Variants in RP1 observed in about 807,000 individuals in gnomAD.
The protein encoded by RP1 is RP1 axonemal microtubule associated, also known as oxygen-regulated protein 1.
A neutral mutation model predicts 14.8 loss-of-function variants in RP1; 16 were observed. That is an observed-to-expected ratio of 1.08 (90% CI 0.73 to 1.65). RP1 has a LOEUF of 1.65. Among genes scored for constraint, RP1 ranks in the 40% most tolerant of loss-of-function variants. The pLI, the probability that RP1 is intolerant of heterozygous loss-of-function variation, is 0.00. For synonymous variants in RP1, 876 were observed against 883.6 expected (o/e 0.99, Z 0.15); for missense variants, 2,631 against 2,535.0 (o/e 1.04, Z -0.81).
chr8:54,629,045 T>C lies in RP1; in HGVS notation c.5163T>C (p.Pro1721=), dbSNP rs773508140. ...ATTGTAGGGGTGACATTGTAGAACCTGGTACAAAACAAAATGATGATAGCA... is the reference window on the plus strand; with the variant it reads ...ATTGTAGGGGTGACATTGTAGAACCCGGTACAAAACAAAATGATGATAGCA... The part of the protein sequence containing the change: ...DNYCRGDIVE[P]GTKQNDDSRI... Residue 1721 remains proline, a synonymous_variant, in exon 4 of 4, where the codon CCT becomes CCC. Transcript: ENST00000220676. 2.0e-5 allele frequency: 33 copies of C among 1,613,980 alleles called. No homozygotes were observed. The Admixed American group carries it at 4.3e-4, about 21-fold the overall frequency.
chr8:54,571,329 T>C (rs1056808674), intron 1 of RP1, among the ~76,000 whole-genome samples: 1 of 152,228 alleles, frequency 6.6e-6, no homozygotes, highest in African/African-American at 2.4e-5. Flanking sequence ...GAGCTGATCT[T>C]CCTGGGAAAC....
intron 24 of RP1, among the ~76,000 whole-genome samples, chr8:54,786,158 C>G (rs1477944547): frequency 6.6e-6 from 1 of 151,956 alleles, no homozygotes; most frequent in Non-Finnish European, 1.5e-5. Context: ...GAAGAGTTCC[C>G]TTTGGCATTT....
At chr8:54,706,304 A>T in intron 14 of RP1, 1 of 763,640 alleles carries the variant, frequency 1.3e-6, no homozygotes, top group Non-Finnish European at 2.1e-6. Flanking sequence ...GACATTGTTT[A>T]CTTCTTTTGC....
intron 23 of RP1, among the ~76,000 whole-genome samples, chr8:54,777,404 TA>T (rs957826037): frequency 6.6e-6 from 1 of 152,180 alleles, no homozygotes; most frequent in Non-Finnish European, 1.5e-5. Flanking sequence ...AATATCAAGA[TA>T]AAATAGGTAA....
intron 3 of RP1, among the ~76,000 whole-genome samples, chr8:54,635,924 G>A (rs1480096582): frequency 6.6e-6 from 1 of 151,960 alleles, no homozygotes; most frequent in Non-Finnish European, 1.5e-5. Context: ...AGATTTCCCC[G>A]TCCCTCTCTC....
At chr8:54,834,431 C>A (rs1811610287) in intron 24 of RP1, among the ~76,000 whole-genome samples, 1 of 151,822 alleles carries the variant, frequency 6.6e-6, no homozygotes, top group Non-Finnish European at 1.5e-5. Context: ...TGAATGACAC[C>A]AAGACTAAAG....
At chr8:54,574,995 C>A (rs1212283374) in intron 1 of RP1, among the ~76,000 whole-genome samples, 1 of 152,184 alleles carries the variant, frequency 6.6e-6, no homozygotes, top group East Asian at 1.9e-4. Flanking sequence ...ATTGAAACTT[C>A]CACTGCCGTC....
At chr8:54,564,629 C>CTTTG (rs1181286802) in intron 1 of RP1, among the ~76,000 whole-genome samples, 4 of 152,154 alleles carry the variant, frequency 2.6e-5, no homozygotes, top group African/African-American at 9.7e-5. Context: ...AGAGGCTGTG[C>CTTTG]TTTGGGGTTA....
chr8:54,695,312 T>G (rs1585613999), intron 12 of RP1, among the ~76,000 whole-genome samples: 1 of 152,134 alleles, frequency 6.6e-6, no homozygotes, highest in African/African-American at 2.4e-5. Context: ...ATAAAATACT[T>G]AACTGTTGAT....
At chr8:54,589,177 C>T (rs1344768689) in intron 1 of RP1, among the ~76,000 whole-genome samples, 1 of 152,200 alleles carries the variant, frequency 6.6e-6, no homozygotes, top group African/African-American at 2.4e-5. Context: ...TCCTCCACCC[C>T]TTCTAACCTC....
chr8:54,862,786 C>T lies in RP1; in HGVS notation c.4070-3049C>T, dbSNP rs57467777. Among the ~76,000 whole-genome samples the T allele has an allele frequency of 5.0e-3, 759 of 152,116 alleles. 4 individuals carry two copies. The highest frequency in any genetic ancestry group is 0.018 in the African/African-American group (727 of 41,496). On this transcript the variant is annotated intron_variant, in intron 27 of 28. Transcript: ENST00000637698. ...ATATGACTTCCGGCCACATTTCATT[C>T]CTGAGAAACTAGTCACATAGTTCAT... is the stretch of plus-strand genomic sequence containing the variant.
intron 19 of RP1, among the ~76,000 whole-genome samples, chr8:54,749,057 A>G (rs1476739967): frequency 6.6e-6 from 1 of 152,192 alleles, no homozygotes; most frequent in Non-Finnish European, 1.5e-5. Flanking sequence ...CCAAGAAAAG[A>G]TAAGATTATT....
At chr8:54,590,721 C>A (rs1395690252) in intron 1 of RP1, among the ~76,000 whole-genome samples, 1 of 152,100 alleles carries the variant, frequency 6.6e-6, no homozygotes, top group Non-Finnish European at 1.5e-5. Context: ...TTTAAAGTGC[C>A]ATCTGCAAGC....
chr8:54,778,205 T>C (rs949949923), intron 23 of RP1, among the ~76,000 whole-genome samples: 2 of 152,120 alleles, frequency 1.3e-5, no homozygotes, highest in African/African-American at 4.8e-5. Context: ...GTCCTATCTA[T>C]CAAGGCACTT....
intron 6 of RP1, among the ~76,000 whole-genome samples, chr8:54,658,551 A>AG (rs35100389): frequency 3.5e-3 from 118 of 34,110 alleles, no homozygotes; most frequent in Non-Finnish European, 8.2e-3. Context: ...ACTCCGTCTC[A>AG]AAAAAAAAAA....
At chr8:54,796,464 T>C (rs1810579467) in intron 24 of RP1, among the ~76,000 whole-genome samples, 1 of 152,198 alleles carries the variant, frequency 6.6e-6, no homozygotes, top group Admixed American at 6.5e-5. Context: ...TATTTGGAAA[T>C]AGGCTCTTTA....
chr8:54,812,815 G>A lies in RP1; in HGVS notation c.3616-24635G>A, dbSNP rs116278679. Reference sequence around the variant, plus strand: ...TATCTATCTATCTATCTATCTCTCCGTCTTCTATCATTTATCTATTGAATT... The same window carrying A: ...TATCTATCTATCTATCTATCTCTCCATCTTCTATCATTTATCTATTGAATT... On this transcript the variant is annotated intron_variant, in intron 24 of 28. Transcript: ENST00000637698. 2.6e-3 allele frequency among the ~76,000 whole-genome samples: 308 copies of A among 119,420 alleles called. 1 individual carries two copies. Among genetic ancestry groups the A allele is most frequent in the African/African-American group, 8.6e-3 (262 of 30,296 alleles). The allele number at this position is 119,420 out of a possible 152,430, so 78.3% of individuals were successfully genotyped here.
chr8:54,699,560 T>C (rs1807962778), exon 13 of RP1: 2 of 1,380,890 alleles, frequency 1.4e-6, no homozygotes, highest in Non-Finnish European at 1.9e-6. Flanking sequence ...AATGGCATTG[T>C]CACTGGAATG....
intron 22 of RP1, among the ~76,000 whole-genome samples, chr8:54,768,568 C>A (rs540483250): frequency 1.3e-5 from 2 of 152,268 alleles, no homozygotes; most frequent in South Asian, 4.1e-4. Flanking sequence ...ATAGCAATAA[C>A]CGTGGTTTTT....
Sources: allele counts gnomAD v4.1 joint callset (sites outside exome capture counted in the v4.1 genomes callset), GRCh38; gene constraint gnomAD v4.1.1; transcripts MANE v1.5; gene names NCBI Gene and HGNC (gene_info 2026-07-23, HGNC 2026-07-21).